Variants in CHLSN observed in about 807,000 individuals in gnomAD.
CHLSN encodes the protein cholesin.
chr7:1,021,846 GC>G, the CHLSN span, among the ~76,000 whole-genome samples: 1 of 152,364 alleles, frequency 6.6e-6, no homozygotes, highest in Middle Eastern at 3.4e-3. Flanking sequence ...TGGGATGCGC[GC>G]CCTTCCGCGG....
the CHLSN span, among the ~76,000 whole-genome samples, chr7:980,640 A>C: frequency 2.6e-5 from 4 of 151,346 alleles, no homozygotes; most frequent in African/African-American, 7.3e-5. Flanking sequence ...CAACACGTAC[A>C]GGCAGCCGTT....
chr7:1,041,134 C>CA, the CHLSN span, among the ~76,000 whole-genome samples: 4 of 135,572 alleles, frequency 3.0e-5, no homozygotes, highest in Non-Finnish European at 5.1e-5. Context: ...GGAGAGACTG[C>CA]AGGAGGGAGG....
the CHLSN span, among the ~76,000 whole-genome samples, chr7:1,019,565 A>G: frequency 6.6e-6 from 1 of 152,214 alleles, no homozygotes. Context: ...TGAGTCCAAG[A>G]AGGCAAACCA....
chr7:989,344 A>C, the CHLSN span: 1 of 158,928 alleles, frequency 6.3e-6, no homozygotes, highest in African/African-American at 2.4e-5. Context: ...CTCTGAGCCA[A>C]GCCACTGGGG....
At chr7:1,112,137 G>C in the CHLSN span, among the ~76,000 whole-genome samples, 1 of 152,192 alleles carries the variant, frequency 6.6e-6, no homozygotes, top group Non-Finnish European at 1.5e-5. Context: ...CAGCAGCAAT[G>C]ACAGCATTAG....
chr7:1,023,355 G>A, the CHLSN span, among the ~76,000 whole-genome samples: 5 of 152,244 alleles, frequency 3.3e-5, no homozygotes, highest in Admixed American at 6.5e-5. The surrounding 1 kb of genome is among the most constrained non-coding windows in gnomAD (Gnocchi z 5.0). Flanking sequence ...TAGGGAAGAC[G>A]CACAGGGGCT....
chr7:1,037,136 A>G, the CHLSN span, among the ~76,000 whole-genome samples: 3 of 146,980 alleles, frequency 2.0e-5, no homozygotes, highest in Non-Finnish European at 1.5e-5. Flanking sequence ...TTAGCAAACC[A>G]GTAATAGAAA....
At chr7:1,041,259 G>GCCGCGGGGAACGGGAC in the CHLSN span, among the ~76,000 whole-genome samples, 1 of 149,480 alleles carries the variant, frequency 6.7e-6, no homozygotes, top group Non-Finnish European at 1.5e-5. Flanking sequence ...TGGGCTCCGC[G>GCCGCGGGGAACGGGAC]CTGCGGGGAA....
At chr7:1,058,327 T>C in the CHLSN span, 7 of 777,488 alleles carry the variant, frequency 9.0e-6, no homozygotes, top group Non-Finnish European at 1.7e-5. Flanking sequence ...GCACACTACC[T>C]GGGGCTACTG....
chr7:1,138,238 C>A, the CHLSN span: 1 of 152,390 alleles, frequency 6.6e-6, no homozygotes, highest in South Asian at 2.1e-4. Context: ...ACAGCTGCGT[C>A]GCGGACGCCG....
chr7:1,070,579 CACACACGG>C, the CHLSN span, among the ~76,000 whole-genome samples: 1 of 149,910 alleles, frequency 6.7e-6, no homozygotes, highest in African/African-American at 2.5e-5. Flanking sequence ...CGCAAACACG[CACACACGG>C]ACACGCACAC....
chr7:1,101,633 C>T, the CHLSN span, among the ~76,000 whole-genome samples: 520 of 152,350 alleles, frequency 3.4e-3, 4 homozygotes, highest in African/African-American at 0.012. Context: ...AGGTTCCTTG[C>T]AGGGTGGACC....
chr7:1,093,440 T>TC, the CHLSN span: 2 of 464,326 alleles, frequency 4.3e-6, no homozygotes, highest in Non-Finnish European at 9.0e-6. Context: ...TCCTCCATCT[T>TC]CCAGGATGGC....
the CHLSN span, among the ~76,000 whole-genome samples, chr7:1,090,886 A>C: frequency 6.6e-6 from 1 of 152,248 alleles, no homozygotes; most frequent in Non-Finnish European, 1.5e-5. Flanking sequence ...GGTACCTAGA[A>C]CACAGAACTA....
the CHLSN span, among the ~76,000 whole-genome samples, chr7:1,101,799 T>A: frequency 6.6e-6 from 1 of 152,364 alleles, no homozygotes; most frequent in African/African-American, 2.4e-5. Flanking sequence ...AGATGTCAGC[T>A]GCCCCAGGCA....
At chr7:987,244 G>T in the CHLSN span, 1 of 1,522,200 alleles carries the variant, frequency 6.6e-7, no homozygotes, top group Non-Finnish European at 8.8e-7. Flanking sequence ...CGGACGTGCA[G>T]GGTGAGACCC....
At chr7:1,102,251 G>C in the CHLSN span, among the ~76,000 whole-genome samples, 1 of 152,266 alleles carries the variant, frequency 6.6e-6, no homozygotes, top group Non-Finnish European at 1.5e-5. Flanking sequence ...TGCGTGCCCA[G>C]CACACGGCTC....
the CHLSN span, among the ~76,000 whole-genome samples, chr7:1,083,038 C>T: frequency 8.5e-5 from 13 of 152,314 alleles, no homozygotes; most frequent in Middle Eastern, 3.4e-3. Context: ...TCGGATATTC[C>T]GCCATGTGCT....
At chr7:1,090,293 C>A in the CHLSN span, among the ~76,000 whole-genome samples, 1 of 152,228 alleles carries the variant, frequency 6.6e-6, no homozygotes, top group Non-Finnish European at 1.5e-5. Flanking sequence ...TGACTGCCCC[C>A]GCATCCCCAG....
Sources: gnomAD v4.1 joint callset for allele counts (sites outside exome capture counted in the v4.1 genomes callset) on GRCh38, gnomAD v4.1.1 for gene constraint, Gnocchi (gnomAD v3.1) non-coding constraint, MANE v1.5 for transcripts, NCBI Gene and HGNC (gene_info 2026-07-23, HGNC 2026-07-21) for gene names.